Variants in NKX2-2 observed in about 807,000 individuals in gnomAD.
NKX2-2 encodes the protein homeobox protein Nkx-2.2.
Under a neutral mutation model 24.6 loss-of-function variants are expected in NKX2-2, and 8 were observed. The ratio of observed to expected loss-of-function variants is 0.32; its 90% CI spans 0.19 to 0.59. The LOEUF is 0.59. Among genes scored for constraint, NKX2-2 ranks in the 20% least tolerant of loss-of-function variants. The probability of loss-of-function intolerance (pLI) is 0.86; values close to 1 mark genes in which losing one functional copy is unlikely to be tolerated. For missense variants in NKX2-2, 381 were observed against 373.9 expected (o/e 1.02, Z -0.16); for synonymous variants, 217 against 173.3 (o/e 1.25, Z -1.98).
chr20:21,513,302 G>A lies in NKX2-2; in HGVS notation c.259+109C>T. ...ATCTTTCTACGGATCCGAGTGAGGG[G>A]GTCCGGGCTTACATGGCCCCTTCCC... is the stretch of plus-strand genomic sequence containing the variant. On this transcript the variant is annotated intron_variant, in intron 1 of 1. Coordinates refer to ENST00000377142, the MANE Select transcript of NKX2-2 (RefSeq NM_002509.4). The surrounding 1 kb of genome is among the most constrained non-coding windows in gnomAD (Gnocchi z 4.6). 8.4e-7 allele frequency: 1 copy of A among 1,197,346 alleles called. No individual in the cohort carries two copies. The highest frequency in any genetic ancestry group is 1.1e-6 in the Non-Finnish European group (1 of 878,426). The allele number at this position is 1,197,346 out of a possible 1,614,324, so 74.2% of individuals were successfully genotyped here.
chr20:21,512,133 G>T lies in NKX2-2; in HGVS notation c.612C>A (p.Ala204=). The change falls in exon 2 of 2, where the codon GCC becomes GCA. Residue 204 remains alanine (A), a synonymous_variant. Transcript: ENST00000377142. The part of the protein sequence containing the change: ...VTPLPSPRRV[A]VPVLVRDGKP... ...TGCCGTCCCTGACCAAGACGGGCAC[G>T]GCCACCCGGCGCGGCGAGGGCAGGG... 6.2e-7 allele frequency: 1 copy of T among 1,613,690 alleles called. No individual in the cohort carries two copies. The highest frequency in any genetic ancestry group is 8.5e-7 in the Non-Finnish European group (1 of 1,179,886).
chr20:21,514,890 C>T (rs1196428286), upstream of NKX2-2, among the ~76,000 whole-genome samples: 1 of 152,168 alleles, frequency 6.6e-6, no homozygotes, highest in African/African-American at 2.4e-5. Flanking sequence ...GCCAGAGCCA[C>T]CACCAAGCGA....
Position 21,513,462 on chromosome 20 carries a change from C to T in NKX2-2, c.208G>A (p.Asp70Asn), listed in dbSNP as rs762587716. The T allele has an allele frequency of 1.1e-5, 17 of 1,604,188 alleles. No homozygotes were observed. The highest frequency in any genetic ancestry group is 1.4e-5 in the Non-Finnish European group (17 of 1,175,512). ...GCCAGCCAGCGCGTGTACGGGTTGT[C>T]GCTGCTGTCGTAGAAGGGGTTCTTC... Reference protein sequence around the residue: ...PLKNPFYDSSDNPYTRWLAST... With the variant: ...PLKNPFYDSSNNPYTRWLAST... The change falls in exon 1 of 2, where the codon GAC becomes AAC. Residue 70 changes from aspartate (D) to asparagine (N), a missense_variant. By Grantham distance (23) the Asp-to-Asn change is conservative. This residue lies in a region of NKX2-2 where 206 missense variants were observed against 173.1 expected (regional missense o/e 1.19). Coordinates refer to ENST00000377142, the MANE Select transcript of NKX2-2 (RefSeq NM_002509.4). The surrounding 1 kb of genome is among the most constrained non-coding windows in gnomAD (Gnocchi z 4.6).
chr20:21,512,180 C>T lies in NKX2-2; in HGVS notation c.565G>A (p.Glu189Lys), dbSNP rs1980460071. ...AGGGGCGTCACCTCCATACCTTTCT[C>T]GGCCCGGGCGCGCTTCATCTTGTAG... The part of the protein sequence containing the change: ...HRYKMKRARA[E>K]KGMEVTPLPS... The change falls in exon 2 of 2, where the codon GAG becomes AAG. Residue 189 changes from glutamate (E) to lysine (K), a missense_variant. By Grantham distance (56) the Glu-to-Lys change is moderately conservative. Around this residue, in one of 3 missense-constraint regions of NKX2-2, gnomAD observed 139 missense variants for 121.7 expected, o/e 1.14. Coordinates refer to ENST00000377142, the MANE Select transcript of NKX2-2 (RefSeq NM_002509.4). The T allele has an allele frequency of 2.5e-6, 4 of 1,613,856 alleles. No homozygotes were observed. Among genetic ancestry groups the T allele is most frequent in the African/African-American group, 1.3e-5 (1 of 74,944 alleles).
chr20:21,520,550 C>T, the NKX2-2 span, among the ~76,000 whole-genome samples: 1 of 152,148 alleles, frequency 6.6e-6, no homozygotes, highest in African/African-American at 2.4e-5. Context: ...GCGAGGAAAG[C>T]CGTTTAACTT....
At position 21,512,302 on chromosome 20, in the gene NKX2-2, C is replaced by A; in HGVS notation, c.443G>T (p.Arg148Leu). Residue 148 changes from arginine to leucine, a missense_variant, in exon 2 of 2, where the codon CGG (arginine) becomes CTG (leucine). By Grantham distance (102) the Arg-to-Leu change is moderately radical. This residue lies in a region of NKX2-2 where 36 missense variants were observed against 79.2 expected (regional missense o/e 0.45). Coordinates refer to ENST00000377142, the MANE Select transcript of NKX2-2 (RefSeq NM_002509.4). ...GGGCGCCGACAGGTACCGCTGCTGC[C>A]GAAAGCGCCGCTCCAGCTCGTAGGT... ...AQTYELERRF[R>L]QQRYLSAPER... 1 of 1,613,610 alleles carries A rather than the reference C, an allele frequency of 6.2e-7. No homozygotes were observed. Among genetic ancestry groups the A allele is most frequent in the Non-Finnish European group, 8.5e-7 (1 of 1,179,914 alleles).
upstream of NKX2-2, among the ~76,000 whole-genome samples, chr20:21,515,598 G>T (rs923489154): frequency 1.8e-3 from 238 of 131,798 alleles, 3 homozygotes; most frequent in East Asian, 0.012. Context: ...AAACTTTTTT[G>T]GGGGGGGGGT....
upstream of NKX2-2, among the ~76,000 whole-genome samples, chr20:21,517,642 G>C (rs1281139220): frequency 1.3e-5 from 2 of 152,180 alleles, no homozygotes; most frequent in African/African-American, 4.8e-5. Flanking sequence ...CCCAGCTGGC[G>C]GCCAGGGCAA....
the NKX2-2 span, among the ~76,000 whole-genome samples, chr20:21,521,969 G>A: frequency 1.3e-5 from 2 of 152,208 alleles, no homozygotes; most frequent in African/African-American, 4.8e-5. Flanking sequence ...GGACCGCCGC[G>A]GGTGCCGCGC....
chr20:21,518,451 C>A (rs1023302443), upstream of NKX2-2, among the ~76,000 whole-genome samples: 5 of 152,214 alleles, frequency 3.3e-5, no homozygotes, highest in African/African-American at 1.2e-4. Flanking sequence ...GCCTCGCTCT[C>A]TCTGCTGCTC....
the NKX2-2 span, among the ~76,000 whole-genome samples, chr20:21,522,608 G>T: frequency 2.0e-5 from 3 of 151,898 alleles, no homozygotes; most frequent in Non-Finnish European, 2.9e-5. Flanking sequence ...GGGCGAGCGC[G>T]CAGGTCCCGG....
At chr20:21,517,259 G>T (rs73293196), upstream of NKX2-2, among the ~76,000 whole-genome samples, 11,071 of 152,200 alleles carry the variant, frequency 0.073, 536 homozygotes, top group East Asian at 0.21. Context: ...CTCGCAGGAC[G>T]CCTCCTGGAC....
In NKX2-2 at chr20:21,513,008, G is replaced by C. The variant is rs964275505; in HGVS notation, c.259+403C>G. Among the ~76,000 whole-genome samples, 8 of 152,142 alleles carry C rather than the reference G, an allele frequency of 5.3e-5. No individual in the cohort carries two copies. The highest frequency in any genetic ancestry group is 1.7e-4 in the African/African-American group (7 of 41,446). On this transcript the variant is annotated intron_variant, in intron 1 of 1. Coordinates refer to ENST00000377142, the MANE Select transcript of NKX2-2 (RefSeq NM_002509.4). This position sits in a 1 kb window ranked among gnomAD's most constrained non-coding sequence, Gnocchi z 4.6. Reference sequence around the variant, plus strand: ...GCTATTTATACCCGGGCCACCCGAAGCCTCCCCACCCTCCACCCGTACCCG... The same window carrying C: ...GCTATTTATACCCGGGCCACCCGAACCCTCCCCACCCTCCACCCGTACCCG...
At chr20:21,512,600 C>T (rs908304023) in intron 1 of NKX2-2, 115 bp from the exon 2 acceptor site, 7 of 776,336 alleles carry the variant, frequency 9.0e-6, no homozygotes, top group Middle Eastern at 7.5e-4. Flanking sequence ...CGCCTGGCAG[C>T]CCAGCCCCGC....
Position 21,511,926 on chromosome 20 carries a change from C to G in NKX2-2, c.819G>C (p.Trp273Cys). 1.3e-6 allele frequency: 2 copies of G among 1,579,870 alleles called. No homozygotes were observed. Among genetic ancestry groups the G allele is most frequent in the South Asian group, 2.3e-5 (2 of 88,750 alleles). ...GCGAGTCTCGTTGGGGCGGCGCTCA[C>G]CAAGTCCACTGCTGGGCCTGGACCA... ...HPLVQAQQWT[W>C] Residue 273 changes from tryptophan to cysteine, a missense_variant, in exon 2 of 2, where the codon TGG becomes TGC. Coordinates refer to ENST00000377142, the MANE Select transcript of NKX2-2 (RefSeq NM_002509.4).
At chr20:21,518,422 C>G (rs903237935), upstream of NKX2-2, among the ~76,000 whole-genome samples, 3 of 152,176 alleles carry the variant, frequency 2.0e-5, no homozygotes, top group African/African-American at 7.2e-5. Context: ...GAACCTGTGC[C>G]CCTGGAAGCT....
upstream of NKX2-2, among the ~76,000 whole-genome samples, chr20:21,515,171 C>T (rs943384277): frequency 6.6e-6 from 1 of 151,870 alleles, no homozygotes; most frequent in Non-Finnish European, 1.5e-5. Context: ...CGGCCCTGCT[C>T]TTTCCTGCCC....
upstream of NKX2-2, among the ~76,000 whole-genome samples, chr20:21,514,476 G>A (rs558254937): frequency 9.5e-5 from 13 of 137,556 alleles, no homozygotes; most frequent in East Asian, 2.5e-4. Flanking sequence ...TGAAAGGGCC[G>A]TTTTAACAAA....
upstream of NKX2-2, among the ~76,000 whole-genome samples, chr20:21,516,440 C>A (rs1051516151): frequency 2.0e-5 from 3 of 151,682 alleles, no homozygotes; most frequent in African/African-American, 4.9e-5. Context: ...TCAGCGCCCC[C>A]CCTCCTCCGC....
Sources: gnomAD v4.1 joint callset for allele counts (sites outside exome capture counted in the v4.1 genomes callset) on GRCh38, gnomAD v4.1.1 for gene constraint, gnomAD v4.1.1 regional missense constraint, Gnocchi (gnomAD v3.1) non-coding constraint, MANE v1.5 for transcripts, NCBI Gene and HGNC (gene_info 2026-07-23, HGNC 2026-07-21) for gene names.